Variants in SNX3 observed in about 807,000 individuals in gnomAD.
SNX3 encodes sorting nexin-3.
A neutral mutation model predicts 17.7 loss-of-function variants in SNX3; 5 were observed. The ratio of observed to expected loss-of-function variants is 0.28; its 90% confidence interval spans 0.15 to 0.59. The LOEUF is 0.59. Ranked by LOEUF, SNX3 falls within the 20% of genes least tolerant of loss-of-function variation. The probability of loss-of-function intolerance (pLI) is 0.88; values close to 1 mark genes in which losing one functional copy is unlikely to be tolerated. For synonymous variants in SNX3, 91 were observed against 76.5 expected (o/e 1.19, Z -0.99); for missense variants, 132 against 206.8 (o/e 0.64, Z 2.22).
At chr6:108,256,041 G>A (rs1306670782) in intron 1 of SNX3, among the ~76,000 whole-genome samples, 1 of 152,124 alleles carries the variant, frequency 6.6e-6, no homozygotes, top group Non-Finnish European at 1.5e-5. Context: ...AGCAGCCTGG[G>A]CAACATAGTG....
intron 1 of SNX3, among the ~76,000 whole-genome samples, chr6:108,256,070 T>C (rs1239499440): frequency 3.3e-5 from 5 of 151,994 alleles, no homozygotes; most frequent in Admixed American, 1.3e-4. Context: ...TCTCTACAAA[T>C]AATTTAAAAA....
At chr6:108,234,528 G>A (rs1366086026) in intron 1 of SNX3, among the ~76,000 whole-genome samples, 1 of 152,054 alleles carries the variant, frequency 6.6e-6, no homozygotes, top group African/African-American at 2.4e-5. Context: ...TCTAGCCTGG[G>A]CAACAGAGTG....
chr6:108,227,306 C>T lies in SNX3; in HGVS notation c.163-4261G>A, dbSNP rs144452528. Among the ~76,000 whole-genome samples the T allele has an allele frequency of 5.5e-4, 83 of 152,260 alleles. 2 individuals are homozygous for T. In the East Asian group the frequency reaches 0.011, roughly 21 times the overall value. On this transcript the variant is annotated intron_variant, in intron 1 of 3. Transcript: ENST00000230085. Reference sequence around the variant, plus strand: ...ATTAACTGCTCTCTTTATTCAAATACGTTAAGATCAAGCTTGCGAAAAGAG... The same window carrying T: ...ATTAACTGCTCTCTTTATTCAAATATGTTAAGATCAAGCTTGCGAAAAGAG...
chr6:108,218,734 G>A (rs1774662422), intron 2 of SNX3, among the ~76,000 whole-genome samples: 1 of 152,252 alleles, frequency 6.6e-6, no homozygotes, highest in Admixed American at 6.5e-5. Flanking sequence ...GTGAAAACAT[G>A]TTAAGTGAAA....
intron 3 of SNX3, among the ~76,000 whole-genome samples, chr6:108,212,711 A>G (rs891367971): frequency 6.6e-6 from 1 of 152,136 alleles, no homozygotes; most frequent in Non-Finnish European, 1.5e-5. Context: ...AACTAATGGT[A>G]TATGTTCTTT....
At chr6:108,244,647 G>GTTTTTTTTTTTTTTTT (rs1021781550) in intron 1 of SNX3, among the ~76,000 whole-genome samples, 16 of 87,228 alleles carry the variant, frequency 1.8e-4, no homozygotes, top group Non-Finnish European at 2.3e-4. Context: ...TAAGTAAGGA[G>GTTTTTTTTTTTTTTTT]TTTTTTTTTT....
At chr6:108,233,430 T>G (rs1036762309) in intron 1 of SNX3, among the ~76,000 whole-genome samples, 2 of 152,158 alleles carry the variant, frequency 1.3e-5, no homozygotes, top group African/African-American at 4.8e-5. Context: ...AGAAACACAC[T>G]CAAGTGACGC....
intron 1 of SNX3, among the ~76,000 whole-genome samples, chr6:108,227,993 C>A (rs1310481570): frequency 6.6e-6 from 1 of 151,818 alleles, no homozygotes; most frequent in Non-Finnish European, 1.5e-5. Flanking sequence ...TAAAAGGGCA[C>A]CATGCTAGAT....
chr6:108,230,118 A>C (rs1319640646), intron 1 of SNX3, among the ~76,000 whole-genome samples: 3 of 151,928 alleles, frequency 2.0e-5, no homozygotes, highest in Admixed American at 6.6e-5. Context: ...CTTGGATGCC[A>C]CTTTAAATGC....
intron 2 of SNX3, among the ~76,000 whole-genome samples, chr6:108,220,480 T>A (rs561704533): frequency 5.1e-4 from 78 of 152,308 alleles, no homozygotes; most frequent in Admixed American, 2.4e-3. Context: ...CAGTAACATG[T>A]TGGATAGGCT....
At position 108,260,836 on chromosome 6, in the gene SNX3, A is replaced by G. The variant is rs761712839; in HGVS notation, c.86T>C (p.Leu29Pro). Reference protein sequence around the residue: ...NDAYGPPSNFLEIDVSNPQTV... With the variant: ...NDAYGPPSNFPEIDVSNPQTV... ...TTGCGGGTTGCTCACATCGATCTCG[A>G]GGAAGTTGCTGGGGGGTCCGTAGGC... is the stretch of plus-strand genomic sequence containing the variant. Residue 29 changes from leucine to proline, a missense_variant, in exon 1 of 4, where the codon CTC (leucine) becomes CCC (proline). Physicochemically the swap from Leu to Pro is moderately conservative, Grantham distance 98. Around this residue, in one of 2 missense-constraint regions of SNX3, gnomAD observed 78 missense variants for 88.8 expected, o/e 0.88. Coordinates refer to ENST00000230085, the MANE Select transcript of SNX3 (RefSeq NM_003795.6). 5.0e-6 allele frequency: 8 copies of G among 1,613,540 alleles called. No homozygotes were observed. Among genetic ancestry groups the G allele is most frequent in the Non-Finnish European group, 1.7e-6 (2 of 1,179,750 alleles).
chr6:108,231,750 A>C (rs1488920564), intron 1 of SNX3, among the ~76,000 whole-genome samples: 1 of 152,218 alleles, frequency 6.6e-6, no homozygotes, highest in Non-Finnish European at 1.5e-5. Flanking sequence ...TTACAGAACT[A>C]TCAGACCACA....
chr6:108,219,143 A>C (rs370162527), intron 2 of SNX3, among the ~76,000 whole-genome samples: 89 of 150,772 alleles, frequency 5.9e-4, no homozygotes, highest in African/African-American at 2.0e-3. Flanking sequence ...CAAGGCCAGG[A>C]GATCGAGACC....
At chr6:108,241,133 G>T (rs1775508511) in intron 1 of SNX3, among the ~76,000 whole-genome samples, 1 of 100,980 alleles carries the variant, frequency 9.9e-6, no homozygotes, top group Admixed American at 1.6e-4. Context: ...GATAGAGCAA[G>T]ACTCCGTCTC....
intron 1 of SNX3, among the ~76,000 whole-genome samples, chr6:108,254,900 C>A (rs1213736241): frequency 2.6e-5 from 4 of 152,096 alleles, no homozygotes; most frequent in Non-Finnish European, 2.9e-5. Flanking sequence ...CAAAAGAACT[C>A]AGCTTAATTG....
At chr6:108,218,861 T>G (rs1439333825) in intron 2 of SNX3, among the ~76,000 whole-genome samples, 1 of 151,660 alleles carries the variant, frequency 6.6e-6, no homozygotes, top group Admixed American at 6.6e-5. Flanking sequence ...TGAGGAAGGG[T>G]TGGGGAGAAA....
intron 1 of SNX3, among the ~76,000 whole-genome samples, chr6:108,245,322 G>A (rs1775651020): frequency 1.3e-5 from 2 of 152,108 alleles, no homozygotes; most frequent in African/African-American, 4.8e-5. Context: ...AGTATTCCAC[G>A]GTATATACGT....
intron 1 of SNX3, among the ~76,000 whole-genome samples, chr6:108,248,808 T>C (rs1157948104): frequency 6.6e-6 from 1 of 151,986 alleles, no homozygotes; most frequent in East Asian, 1.9e-4. Context: ...TCACCCAGGC[T>C]GGAGTGCAGT....
chr6:108,214,569 T>C lies in SNX3; in HGVS notation c.312A>G (p.Arg104=). 1 of 1,613,538 alleles carries C rather than the reference T, an allele frequency of 6.2e-7. No homozygotes were observed. Among genetic ancestry groups the C allele is most frequent in the East Asian group, 2.2e-5 (1 of 44,878 alleles). ...GKAFLRQLPF[R]GDDGIFDDNF... is the part of the protein sequence containing the mutation. ...TGTCATCAAATATTCCATCATCTCC[T>C]CTAAAAGGAAGCTGACGCAAAAACG... Residue 104 remains arginine, a synonymous_variant, in exon 3 of 4, where the codon AGA becomes AGG. Coordinates refer to ENST00000230085, the MANE Select transcript of SNX3 (RefSeq NM_003795.6).
Sources: gnomAD v4.1 joint callset for allele counts (sites outside exome capture counted in the v4.1 genomes callset) on GRCh38, gnomAD v4.1.1 for gene constraint, gnomAD v4.1.1 regional missense constraint, MANE v1.5 for transcripts, NCBI Gene and HGNC (gene_info 2026-07-23, HGNC 2026-07-21) for gene names.